The following TBC1D22A variants were observed in gnomAD, a reference collection of about 807,000 sequenced individuals.
TBC1D22A encodes the protein putative GTPase activator.
A neutral mutation model predicts 60.2 loss-of-function variants in TBC1D22A; 38 were observed. The ratio of observed to expected loss-of-function variants is 0.63; its 90% CI spans 0.49 to 0.83. TBC1D22A has a LOEUF of 0.83. Among genes scored for constraint, TBC1D22A ranks in the 40% least tolerant of loss-of-function variants. The probability of loss-of-function intolerance (pLI) is 0.00; values close to 1 mark genes in which losing one functional copy is unlikely to be tolerated. For synonymous variants in TBC1D22A, 302 were observed against 281.7 expected (o/e 1.07, Z -0.72); for missense variants, 628 against 701.0 (o/e 0.90, Z 1.18).
At chr22:47,149,191 C>A (rs78801418) in intron 12 of TBC1D22A, among the ~76,000 whole-genome samples, 1 of 152,118 alleles carries the variant, frequency 6.6e-6, no homozygotes, top group Non-Finnish European at 1.5e-5. Context: ...AGGGCTGGAC[C>A]GCAGATGTGT....
At chr22:46,835,200 A>G (rs1448659907) in intron 4 of TBC1D22A, among the ~76,000 whole-genome samples, 2 of 152,250 alleles carry the variant, frequency 1.3e-5, no homozygotes, top group African/African-American at 2.4e-5. Flanking sequence ...CAAAGACAGC[A>G]ATGCAAGACT....
intron 9 of TBC1D22A, among the ~76,000 whole-genome samples, chr22:46,982,521 C>G (rs2074555321): frequency 1.3e-5 from 2 of 152,170 alleles, no homozygotes; most frequent in Admixed American, 6.5e-5. Flanking sequence ...TGCGCCCGGC[C>G]AAGAGACAGT....
intron 11 of TBC1D22A, among the ~76,000 whole-genome samples, chr22:47,055,971 T>G (rs900827928): frequency 1.4e-5 from 2 of 146,700 alleles, no homozygotes; most frequent in Non-Finnish European, 3.0e-5. Context: ...GGAAGGAAGG[T>G]GCCGTCCAGG....
intron 12 of TBC1D22A, among the ~76,000 whole-genome samples, chr22:47,114,361 G>A (rs1455366235): frequency 2.0e-5 from 3 of 152,090 alleles, no homozygotes; most frequent in Non-Finnish European, 4.4e-5. Flanking sequence ...TGGCAGAGGA[G>A]CCATGAGATT....
chr22:46,792,599 T>G, intron 2 of TBC1D22A, 23 bp downstream of exon 2: 1 of 1,614,232 alleles, frequency 6.2e-7, no homozygotes, highest in South Asian at 1.1e-5. Context: ...CCAACCTCAC[T>G]TGGCGTCTCG....
At chr22:46,862,576 C>T (rs760830332) in intron 4 of TBC1D22A, among the ~76,000 whole-genome samples, 6 of 152,288 alleles carry the variant, frequency 3.9e-5, no homozygotes, top group South Asian at 4.1e-4. Flanking sequence ...TGTTCAGCCC[C>T]GGGAGCCAGC....
intron 7 of TBC1D22A, among the ~76,000 whole-genome samples, chr22:46,905,233 C>T (rs2069375044): frequency 2.0e-5 from 3 of 151,480 alleles, no homozygotes; most frequent in South Asian, 4.1e-4. Flanking sequence ...ACCAGCATAA[C>T]TCATATGAAG....
chr22:47,116,292 CAG>C (rs2066050800), intron 12 of TBC1D22A: 1 of 152,268 alleles, frequency 6.6e-6, no homozygotes, highest in Admixed American at 6.5e-5. Context: ...TGCTTAGACA[CAG>C]TGGGGACGGC....
chr22:46,842,529 T>C (rs11090899), intron 4 of TBC1D22A, among the ~76,000 whole-genome samples: 53,800 of 152,110 alleles, frequency 0.35, 10,239 homozygotes, highest in African/African-American at 0.51. Context: ...ATATCAGTTC[T>C]CCCCGTAAAC....
intron 10 of TBC1D22A, among the ~76,000 whole-genome samples, chr22:47,021,739 G>A (rs2062097955): frequency 6.6e-6 from 1 of 152,268 alleles, no homozygotes; most frequent in Non-Finnish European, 1.5e-5. Flanking sequence ...TAAGTTTATG[G>A]TAATTGGTTA....
At chr22:47,021,458 G>C (rs2062084709) in intron 10 of TBC1D22A, among the ~76,000 whole-genome samples, 1 of 151,702 alleles carries the variant, frequency 6.6e-6, no homozygotes, top group Non-Finnish European at 1.5e-5. Context: ...CCTGTCGCCT[G>C]GAGCCCTGAG....
chr22:47,073,423 T>A (rs1271773266), intron 11 of TBC1D22A, among the ~76,000 whole-genome samples: 2 of 152,214 alleles, frequency 1.3e-5, no homozygotes, highest in African/African-American at 4.8e-5. Flanking sequence ...AACCCCACAA[T>A]TGATATCAGA....
chr22:46,774,348 C>T (rs980861836), intron 1 of TBC1D22A: 190 of 770,460 alleles, frequency 2.5e-4, no homozygotes, highest in Non-Finnish European at 2.9e-4. Context: ...TTCTGGGCCC[C>T]GTGCTGTGGG....
At chr22:46,820,627 C>T (rs2147093718) in intron 4 of TBC1D22A, among the ~76,000 whole-genome samples, 1 of 152,324 alleles carries the variant, frequency 6.6e-6, no homozygotes, top group African/African-American at 2.4e-5. Context: ...TTTGCATTTG[C>T]TGAGGAGTGT....
intron 4 of TBC1D22A, among the ~76,000 whole-genome samples, chr22:46,804,015 C>T (rs557808072): frequency 1.2e-4 from 18 of 152,348 alleles, no homozygotes; most frequent in African/African-American, 4.1e-4. Flanking sequence ...TCTGGTTTTA[C>T]TTTGTTTCTT....
chr22:47,062,520 C>G (rs950776768), intron 11 of TBC1D22A, among the ~76,000 whole-genome samples: 2 of 152,104 alleles, frequency 1.3e-5, no homozygotes, highest in Non-Finnish European at 2.9e-5. Context: ...ATGGTGGTTC[C>G]TCTAGCGTGA....
At chr22:46,916,726 G>A (rs1220055488) in intron 8 of TBC1D22A, among the ~76,000 whole-genome samples, 1 of 152,238 alleles carries the variant, frequency 6.6e-6, no homozygotes, top group Non-Finnish European at 1.5e-5. Context: ...AAGAGGTCAA[G>A]CGATCTTGCG....
rs138489337 is a variant in TBC1D22A at position 47,139,068 on chromosome 22, T to C, written c.1425+27465T>C. On this transcript the variant is annotated intron_variant, in intron 12 of 12. Transcript: ENST00000337137. ...GCCCTCGCTCTGCAGCCGTCTCCCCTGAGGGCCCAGCCTGGATTCAGGCCT... is the reference window on the plus strand; with the variant it reads ...GCCCTCGCTCTGCAGCCGTCTCCCCCGAGGGCCCAGCCTGGATTCAGGCCT... Among the ~76,000 whole-genome samples, 3 of 152,362 alleles carry C rather than the reference T, an allele frequency of 2.0e-5. No individual in the cohort carries two copies. The East Asian group carries it at 5.8e-4, about 29-fold the overall frequency.
chr22:46,845,443 C>T (rs148355493), intron 4 of TBC1D22A, among the ~76,000 whole-genome samples: 207 of 152,238 alleles, frequency 1.4e-3, no homozygotes, highest in African/African-American at 4.5e-3. Flanking sequence ...CTGCGGTTAC[C>T]GTAGTAATAT....
Sources: gnomAD v4.1 joint callset for allele counts (sites outside exome capture counted in the v4.1 genomes callset) on GRCh38, gnomAD v4.1.1 for gene constraint, MANE v1.5 for transcripts, NCBI Gene and HGNC (gene_info 2026-07-23, HGNC 2026-07-21) for gene names.